DCC: variants seen among roughly 807,000 people sequenced by gnomAD.
The protein encoded by DCC is DCC netrin 1 receptor.
DCC carries 58 observed loss-of-function variants against 172.5 expected under a neutral mutation model. That is an observed-to-expected ratio of 0.34 (90% CI 0.27 to 0.42). The LOEUF is 0.42. DCC is among the 10% of genes least tolerant of loss of function. The probability of loss-of-function intolerance (pLI) is 1.00; values close to 1 mark genes in which losing one functional copy is unlikely to be tolerated. For synonymous variants in DCC, 709 were observed against 644.5 expected (o/e 1.10, Z -1.52); for missense variants, 1,740 against 1,791.0 (o/e 0.97, Z 0.51).
chr18:53,317,711 A>G (rs11082977), intron 13 of DCC, among the ~76,000 whole-genome samples: 146,813 of 152,172 alleles, frequency 0.96, 71,051 homozygotes, highest in Middle Eastern at 1. Flanking sequence ...TGCAGCGGGC[A>G]GGGGGCATAT....
At chr18:52,779,497 G>A (rs949657184) in intron 2 of DCC, among the ~76,000 whole-genome samples, 2 of 152,000 alleles carry the variant, frequency 1.3e-5, no homozygotes, top group African/African-American at 2.4e-5. Flanking sequence ...CCTTTTTTAT[G>A]GCTATATAGT....
chr18:52,428,084 T>C (rs1987501788), intron 1 of DCC, among the ~76,000 whole-genome samples: 1 of 152,070 alleles, frequency 6.6e-6, no homozygotes. Flanking sequence ...TATCAATCTC[T>C]TTAAAAAATC....
chr18:52,782,955 G>A (rs1325328779), intron 2 of DCC, among the ~76,000 whole-genome samples: 2 of 152,040 alleles, frequency 1.3e-5, no homozygotes, highest in African/African-American at 4.8e-5. Context: ...CATGTATACT[G>A]TTGAAAGGCC....
intron 1 of DCC, among the ~76,000 whole-genome samples, chr18:52,587,404 A>G (rs1171250666): frequency 6.6e-6 from 1 of 152,168 alleles, no homozygotes; most frequent in Non-Finnish European, 1.5e-5. Context: ...TATCCACTTG[A>G]TTATTAAAAT....
intron 2 of DCC, among the ~76,000 whole-genome samples, chr18:52,762,455 AGAGT>A (rs1408232693): frequency 2.0e-5 from 3 of 150,768 alleles, no homozygotes; most frequent in African/African-American, 7.4e-5. Flanking sequence ...TCTGAGTGAC[AGAGT>A]GAGACCTTAT....
chr18:52,806,780 T>C (rs1337893911), intron 2 of DCC, among the ~76,000 whole-genome samples: 2 of 152,122 alleles, frequency 1.3e-5, no homozygotes, highest in Admixed American at 1.3e-4. Context: ...GAATATTAGA[T>C]TATAATATGA....
chr18:53,401,134 A>G (rs1185860988), intron 18 of DCC, among the ~76,000 whole-genome samples: 1 of 152,158 alleles, frequency 6.6e-6, no homozygotes, highest in Non-Finnish European at 1.5e-5. Context: ...GCCATAATGA[A>G]TCTGCATTTC....
intron 5 of DCC, among the ~76,000 whole-genome samples, chr18:52,955,741 C>T (rs1203006062): frequency 2.0e-5 from 3 of 152,006 alleles, no homozygotes; most frequent in Non-Finnish European, 4.4e-5. Flanking sequence ...TTTGGCTATT[C>T]CAATAGGTTT....
intron 1 of DCC, among the ~76,000 whole-genome samples, chr18:52,598,190 G>A (rs114947681): frequency 1.9e-4 from 29 of 152,220 alleles, no homozygotes; most frequent in African/African-American, 6.5e-4. Context: ...AATTGATAAC[G>A]TTTAGTTTTT....
intron 7 of DCC, among the ~76,000 whole-genome samples, chr18:53,156,366 C>T (rs2054734104): frequency 6.6e-6 from 1 of 152,018 alleles, no homozygotes; most frequent in Non-Finnish European, 1.5e-5. Context: ...TGCCTGTAAT[C>T]CCAGCTACTC....
chr18:53,144,057 T>C (rs1244967586), intron 7 of DCC, among the ~76,000 whole-genome samples: 2 of 152,252 alleles, frequency 1.3e-5, no homozygotes, highest in Non-Finnish European at 2.9e-5. Context: ...TGACCCTTTC[T>C]ATTATCATCT....
chr18:52,769,249 G>C (rs1388661075), intron 2 of DCC, among the ~76,000 whole-genome samples: 1 of 152,154 alleles, frequency 6.6e-6, no homozygotes. Flanking sequence ...TGATGTCAGT[G>C]TTCTGACTTT....
At chr18:53,267,191 G>A (rs563240646) in intron 12 of DCC, among the ~76,000 whole-genome samples, 2 of 151,740 alleles carry the variant, frequency 1.3e-5, no homozygotes, top group East Asian at 3.9e-4. Flanking sequence ...CAGAGACAGA[G>A]ACAGACATAG....
At chr18:53,467,072 T>C (rs1462112923) in intron 24 of DCC, among the ~76,000 whole-genome samples, 1 of 152,140 alleles carries the variant, frequency 6.6e-6, no homozygotes, top group African/African-American at 2.4e-5. Context: ...TATGTTTGCC[T>C]CTTGCCTATC....
chr18:53,236,769 G>A (rs1051160596), intron 12 of DCC, among the ~76,000 whole-genome samples: 1 of 152,050 alleles, frequency 6.6e-6, no homozygotes, highest in African/African-American at 2.4e-5. Flanking sequence ...TAAGGAAGGG[G>A]CCAAGGTTAT....
At chr18:52,544,087 A>G (rs1403391648) in intron 1 of DCC, among the ~76,000 whole-genome samples, 1 of 152,232 alleles carries the variant, frequency 6.6e-6, no homozygotes, top group Non-Finnish European at 1.5e-5. Flanking sequence ...TGAAAGCTTT[A>G]ATTTGGCCCT....
intron 1 of DCC, among the ~76,000 whole-genome samples, chr18:52,428,564 T>C (rs994302709): frequency 7.9e-5 from 12 of 152,158 alleles, no homozygotes; most frequent in African/African-American, 2.9e-4. Flanking sequence ...TAGAGTTTAA[T>C]GGATAATTTA....
intron 1 of DCC, among the ~76,000 whole-genome samples, chr18:52,581,342 A>C (rs62083393): frequency 0.068 from 10,401 of 152,286 alleles, 448 homozygotes; most frequent in Middle Eastern, 0.11. Context: ...AAATATGCTC[A>C]AAATAATACC....
chr18:53,346,673 A>G (rs568654367), intron 15 of DCC, among the ~76,000 whole-genome samples: 1 of 152,044 alleles, frequency 6.6e-6, no homozygotes, highest in Non-Finnish European at 1.5e-5. Context: ...GAGATTTTCT[A>G]TACTCCTTGC....
Sources: allele counts gnomAD v4.1 joint callset (sites outside exome capture counted in the v4.1 genomes callset), GRCh38; gene constraint gnomAD v4.1.1; transcripts MANE v1.5; gene names NCBI Gene and HGNC (gene_info 2026-07-23, HGNC 2026-07-21).